Variants in CHLSN observed in about 807,000 individuals in gnomAD.
CHLSN encodes cholesin.
the CHLSN span, among the ~76,000 whole-genome samples, chr7:1,100,197 A>G: frequency 6.6e-6 from 1 of 152,050 alleles, no homozygotes; most frequent in Non-Finnish European, 1.5e-5. Context: ...CCACCACTGC[A>G]CCCTGCCCCG....
the CHLSN span, among the ~76,000 whole-genome samples, chr7:1,008,101 G>A: frequency 1.2e-4 from 19 of 152,296 alleles, no homozygotes; most frequent in East Asian, 3.5e-3. Flanking sequence ...GCCACGCCCC[G>A]AGGCACCTGC....
the CHLSN span, among the ~76,000 whole-genome samples, chr7:1,118,699 G>A: frequency 2.0e-5 from 3 of 149,262 alleles, no homozygotes; most frequent in East Asian, 2.0e-4. Flanking sequence ...GGTGGCTCAC[G>A]CCTGTAATAT....
At chr7:1,027,199 T>G in the CHLSN span, among the ~76,000 whole-genome samples, 17 of 152,230 alleles carry the variant, frequency 1.1e-4, 1 homozygote, top group Non-Finnish European at 8.8e-5. Flanking sequence ...CGGGTTAGGT[T>G]TTCTCACTTT....
chr7:1,011,456 GACACCCAGACACACCC>G, the CHLSN span, among the ~76,000 whole-genome samples: 2 of 113,984 alleles, frequency 1.8e-5, no homozygotes, highest in Admixed American at 8.8e-5. Context: ...CACGCCCACA[GACACCCAGACACACCC>G]ACACCCAGAC....
the CHLSN span, among the ~76,000 whole-genome samples, chr7:1,023,278 C>A: frequency 2.0e-5 from 3 of 152,202 alleles, no homozygotes; most frequent in Non-Finnish European, 4.4e-5. The surrounding 1 kb of genome is among the most constrained non-coding windows in gnomAD (Gnocchi z 5.0). Context: ...GTGTCCCCAA[C>A]AGATGGCACG....
chr7:997,747 C>T, the CHLSN span: 1 of 1,537,288 alleles, frequency 6.5e-7, no homozygotes, highest in Non-Finnish European at 9.0e-7. Flanking sequence ...AGCTCTCGGG[C>T]CCGGCCCTGC....
chr7:1,075,291 A>G, the CHLSN span, among the ~76,000 whole-genome samples: 2 of 152,210 alleles, frequency 1.3e-5, no homozygotes, highest in Non-Finnish European at 2.9e-5. Flanking sequence ...AGGTGGGCGG[A>G]TCACAAGGTA....
At chr7:1,063,005 G>A in the CHLSN span, among the ~76,000 whole-genome samples, 4 of 151,942 alleles carry the variant, frequency 2.6e-5, no homozygotes, top group East Asian at 5.8e-4. Flanking sequence ...TTACAGAATC[G>A]CTCTGGGCCT....
the CHLSN span, among the ~76,000 whole-genome samples, chr7:1,037,587 G>A: frequency 0.02 from 2,985 of 146,628 alleles, 332 homozygotes; most frequent in East Asian, 0.19. Context: ...CGTGAATCTC[G>A]GCTCACTACA....
At chr7:984,126 T>C in the CHLSN span, among the ~76,000 whole-genome samples, 2 of 152,174 alleles carry the variant, frequency 1.3e-5, no homozygotes, top group African/African-American at 4.8e-5. Context: ...CCCCCGACCT[T>C]GCCGCCTGGA....
chr7:1,041,308 GGT>G, the CHLSN span, among the ~76,000 whole-genome samples: 441 of 120,968 alleles, frequency 3.6e-3, 6 homozygotes, highest in African/African-American at 0.013. Context: ...GGGGACCTGG[GGT>G]CCGCGCTGCG....
chr7:1,086,618 G>C, the CHLSN span, among the ~76,000 whole-genome samples: 1 of 152,218 alleles, frequency 6.6e-6, no homozygotes, highest in Non-Finnish European at 1.5e-5. Flanking sequence ...GGGGCCGAGT[G>C]CCCCTGGAGG....
At chr7:1,033,059 T>TAC in the CHLSN span, among the ~76,000 whole-genome samples, 8 of 152,266 alleles carry the variant, frequency 5.3e-5, no homozygotes, top group African/African-American at 1.9e-4. Flanking sequence ...GACCTACCAC[T>TAC]ACCTCGATAC....
the CHLSN span, among the ~76,000 whole-genome samples, chr7:1,072,210 G>A: frequency 1.3e-5 from 2 of 152,148 alleles, no homozygotes; most frequent in Non-Finnish European, 2.9e-5. Context: ...GGCTGCCCAC[G>A]GTCAGCACAC....
At chr7:1,118,500 A>T in the CHLSN span, among the ~76,000 whole-genome samples, 1 of 152,336 alleles carries the variant, frequency 6.6e-6, no homozygotes, top group Non-Finnish European at 1.5e-5. Flanking sequence ...CAAGAATCCT[A>T]ACAAGAAACA....
At chr7:1,118,293 G>A in the CHLSN span, among the ~76,000 whole-genome samples, 1 of 152,174 alleles carries the variant, frequency 6.6e-6, no homozygotes, top group South Asian at 2.1e-4. Context: ...AACACGAAGT[G>A]GAGACACACC....
At chr7:1,093,164 C>G in the CHLSN span, 29 of 581,752 alleles carry the variant, frequency 5.0e-5, no homozygotes, top group Non-Finnish European at 8.7e-5. Context: ...TGCCGCTGCA[C>G]CTGCCTGCCG....
the CHLSN span, among the ~76,000 whole-genome samples, chr7:1,113,596 C>G: frequency 1.3e-5 from 2 of 152,178 alleles, no homozygotes; most frequent in African/African-American, 2.4e-5. Flanking sequence ...GGACTCGGAG[C>G]TCATCTACTT....
the CHLSN span, among the ~76,000 whole-genome samples, chr7:1,123,959 C>A: frequency 2.0e-5 from 3 of 152,042 alleles, no homozygotes; most frequent in African/African-American, 7.2e-5. The surrounding 1 kb of genome is among the most constrained non-coding windows in gnomAD (Gnocchi z 4.4). Context: ...CAGGTCGCTT[C>A]CCAACGCTCA....
Sources: gnomAD v4.1 joint callset for allele counts (sites outside exome capture counted in the v4.1 genomes callset) on GRCh38, gnomAD v4.1.1 for gene constraint, Gnocchi (gnomAD v3.1) non-coding constraint, MANE v1.5 for transcripts, NCBI Gene and HGNC (gene_info 2026-07-23, HGNC 2026-07-21) for gene names.